The following INPP5A variants were observed in gnomAD, a reference collection of about 807,000 sequenced individuals.
INPP5A encodes the protein inositol polyphosphate-5-phosphatase A.
INPP5A carries 14 observed loss-of-function variants against 65.2 expected under a neutral mutation model. The observed-to-expected ratio is 0.21, with a 90% confidence interval of 0.14 to 0.34. The LOEUF is 0.34. Ranked by LOEUF, INPP5A falls within the 10% of genes least tolerant of loss-of-function variation. INPP5A has a pLI of 1.00. For synonymous variants in INPP5A, 207 were observed against 208.3 expected, an observed-to-expected ratio of 0.99 and a Z score of 0.05; for missense variants, 431 against 545.6, an observed-to-expected ratio of 0.79 and a Z score of 2.09.
rs2071036851 is a variant in INPP5A, at chr10:132,550,553, G to A, written c.75+12382G>A. 6.6e-6 allele frequency among the ~76,000 whole-genome samples: 1 copy of A among 152,230 alleles called. No homozygotes were observed. Among genetic ancestry groups the A allele is most frequent in the Non-Finnish European group, 1.5e-5 (1 of 68,036 alleles). On this transcript the variant is annotated intron_variant, in intron 1 of 15. Coordinates refer to ENST00000368594, the MANE Select transcript of INPP5A (RefSeq NM_005539.5). The surrounding 1 kb of genome is among the most constrained non-coding windows in gnomAD (Gnocchi z 4.2). ...TGAACCGGCAGCTGTGTCCCTTGACGTGCTGAGAGGGCCTGGCTGTGAGCC... is the reference window on the plus strand; with the variant it reads ...TGAACCGGCAGCTGTGTCCCTTGACATGCTGAGAGGGCCTGGCTGTGAGCC...
intron 4 of INPP5A, among the ~76,000 whole-genome samples, chr10:132,687,691 T>G (rs1196050658): frequency 6.6e-6 from 1 of 152,176 alleles, no homozygotes; most frequent in East Asian, 1.9e-4. Context: ...ACCCTGCAGC[T>G]TTGGGTTCTC....
chr10:132,706,195 G>A lies in INPP5A; in HGVS notation c.475-2118G>A, dbSNP rs904382438. Among the ~76,000 whole-genome samples, 2 of 152,228 alleles carry A rather than the reference G, an allele frequency of 1.3e-5. No individual in the cohort carries two copies. Among genetic ancestry groups the A allele is most frequent in the Non-Finnish European group, 2.9e-5 (2 of 68,030 alleles). On this transcript the variant is annotated intron_variant, in intron 6 of 15. Transcript: ENST00000368594. The surrounding 1 kb of genome is among the most constrained non-coding windows in gnomAD (Gnocchi z 4.7). Reference sequence around the variant, plus strand: ...AGTTCATCTAAACATAGTCAAGACGGACAAAGATTTGTGTTTGTTTGGTTG... The same window carrying A: ...AGTTCATCTAAACATAGTCAAGACGAACAAAGATTTGTGTTTGTTTGGTTG...
intron 4 of INPP5A, among the ~76,000 whole-genome samples, chr10:132,666,406 T>C (rs924354940): frequency 5.9e-5 from 9 of 152,056 alleles, no homozygotes; most frequent in Non-Finnish European, 1.2e-4. Flanking sequence ...AAGCATGCAG[T>C]GAAGAGACAC....
chr10:132,607,289 G>T (rs933982917), intron 1 of INPP5A, among the ~76,000 whole-genome samples: 2 of 152,238 alleles, frequency 1.3e-5, no homozygotes, highest in Non-Finnish European at 2.9e-5. Context: ...CTCTGGCGGG[G>T]CTGGAGTTTC....
chr10:132,674,566 G>A lies in INPP5A; in HGVS notation c.307-15826G>A, dbSNP rs1007252942. On this transcript the variant is annotated intron_variant, in intron 4 of 15. Transcript: ENST00000368594. The surrounding 1 kb of genome is among the most constrained non-coding windows in gnomAD (Gnocchi z 4.4). Reference sequence around the variant, plus strand: ...GTGCAGGCTGGGGGAGAGAAGGGAGGGTGGCGGGAGTGGAGACCATGGGCA... The same window carrying A: ...GTGCAGGCTGGGGGAGAGAAGGGAGAGTGGCGGGAGTGGAGACCATGGGCA... 6.6e-6 allele frequency among the ~76,000 whole-genome samples: 1 copy of A among 152,178 alleles called. No individual in the cohort carries two copies. Among genetic ancestry groups the A allele is most frequent in the Admixed American group, 6.5e-5 (1 of 15,282 alleles).
At chr10:132,733,719 G>A (rs994698921) in intron 9 of INPP5A, among the ~76,000 whole-genome samples, 7 of 152,192 alleles carry the variant, frequency 4.6e-5, no homozygotes, top group South Asian at 4.1e-4. Flanking sequence ...CGCTGATGCC[G>A]GCCTCCCTCT....
chr10:132,590,728 C>T (rs909726369), intron 1 of INPP5A, among the ~76,000 whole-genome samples: 14 of 152,182 alleles, frequency 9.2e-5, no homozygotes, highest in African/African-American at 2.9e-4. Context: ...CTTTGGAGGT[C>T]GTGAGTGTTT....
Position 132,782,680 on chromosome 10 carries a change from A to G in INPP5A, c.*651A>G, listed in dbSNP as rs1187667007. ...ACTTATGCTAAATATACTTTCCAGT[A>G]TGAACGCACAGGAGAGTCCCATCAG... is the stretch of plus-strand genomic sequence containing the variant. On this transcript the variant is annotated 3_prime_UTR_variant, in exon 16 of 16. Coordinates refer to ENST00000368594, the MANE Select transcript of INPP5A (RefSeq NM_005539.5). This position sits in a 1 kb window ranked among gnomAD's most constrained non-coding sequence, Gnocchi z 4.4. The G allele has an allele frequency of 6.6e-6, 1 of 152,292 alleles. No individual in the cohort carries two copies. Among genetic ancestry groups the G allele is most frequent in the Non-Finnish European group, 1.5e-5 (1 of 68,018 alleles). The allele number at this position is 152,292 out of a possible 1,614,324, so 9.4% of individuals were successfully genotyped here. A position where few individuals can be genotyped will look rare whatever the true frequency, so the allele number is the denominator to read the frequency against.
At chr10:132,691,878 GTGTGGTCGCGGGAGACA>G (rs1845272060) in intron 5 of INPP5A, among the ~76,000 whole-genome samples, 7 of 150,484 alleles carry the variant, frequency 4.7e-5, no homozygotes, top group Non-Finnish European at 1.0e-4. Flanking sequence ...CGCGGGAGAC[GTGTGGTCGCGGGAGACA>G]TGCGGTCGCG....
At chr10:132,752,939 G>A (rs1846522828) in intron 11 of INPP5A, among the ~76,000 whole-genome samples, 2 of 152,146 alleles carry the variant, frequency 1.3e-5, no homozygotes, top group East Asian at 1.9e-4. Flanking sequence ...TTGAAGCCAC[G>A]TGAGGCACCC....
At chr10:132,660,371 C>T (rs975256332) in intron 4 of INPP5A, among the ~76,000 whole-genome samples, 1 of 152,154 alleles carries the variant, frequency 6.6e-6, no homozygotes, top group Non-Finnish European at 1.5e-5. Context: ...CTGAAGTGGA[C>T]AGGAGCTACT....
At chr10:132,720,677 G>A (rs1296252803) in intron 8 of INPP5A, among the ~76,000 whole-genome samples, 1 of 148,548 alleles carries the variant, frequency 6.7e-6, no homozygotes, top group Admixed American at 6.7e-5. Context: ...TGTGGTACCT[G>A]GGTTCTTTCT....
chr10:132,761,024 T>G (rs1432066678), intron 11 of INPP5A, among the ~76,000 whole-genome samples: 2 of 152,228 alleles, frequency 1.3e-5, no homozygotes, highest in African/African-American at 4.8e-5. Flanking sequence ...AAATACACAC[T>G]TGGCAAAAGC....
chr10:132,649,980 G>A (rs57791476), intron 3 of INPP5A, among the ~76,000 whole-genome samples: 3,898 of 152,286 alleles, frequency 0.026, 73 homozygotes, highest in South Asian at 0.041. Context: ...GAGCAGATGG[G>A]GACAGAACTA....
intron 9 of INPP5A, among the ~76,000 whole-genome samples, chr10:132,739,619 C>T (rs1218680149): frequency 1.3e-5 from 2 of 152,246 alleles, no homozygotes; most frequent in Non-Finnish European, 2.9e-5. Flanking sequence ...CGCTCTCTGG[C>T]CTTTGCTGCC....
chr10:132,709,953 C>T (rs1845605946), intron 7 of INPP5A, among the ~76,000 whole-genome samples: 1 of 152,248 alleles, frequency 6.6e-6, no homozygotes, highest in Admixed American at 6.5e-5. Flanking sequence ...GTGCCCCCAA[C>T]CCTGCCTTAC....
chr10:132,638,820 G>C (rs1158995139), intron 2 of INPP5A, among the ~76,000 whole-genome samples: 2 of 152,046 alleles, frequency 1.3e-5, no homozygotes, highest in African/African-American at 4.8e-5. Flanking sequence ...CACCCGCCTC[G>C]GCCTCCCAAA....
chr10:132,678,179 C>T lies in INPP5A; in HGVS notation c.307-12213C>T, dbSNP rs530627375. Among the ~76,000 whole-genome samples, 14 of 152,250 alleles carry T rather than the reference C, an allele frequency of 9.2e-5. No individual in the cohort carries two copies. The highest frequency in any genetic ancestry group is 7.8e-4 in the East Asian group (4 of 5,160). On this transcript the variant is annotated intron_variant, in intron 4 of 15. Coordinates refer to ENST00000368594, the MANE Select transcript of INPP5A (RefSeq NM_005539.5). This position sits in a 1 kb window ranked among gnomAD's most constrained non-coding sequence, Gnocchi z 4.1. The stretch of plus-strand genomic sequence containing the variant: ...GGTGGTCACGGAGCTCCTCTGAGAG[C>T]GGACGGTCACAGCCCCCCGTATGCT...
chr10:132,673,978 C>T (rs2072929492), intron 4 of INPP5A, among the ~76,000 whole-genome samples: 2 of 152,216 alleles, frequency 1.3e-5, no homozygotes, highest in African/African-American at 4.8e-5. Context: ...CATGGGTACC[C>T]TCCATTCCTG....
Sources: allele counts gnomAD v4.1 joint callset (sites outside exome capture counted in the v4.1 genomes callset), GRCh38; gene constraint gnomAD v4.1.1; non-coding constraint Gnocchi (gnomAD v3.1); transcripts MANE v1.5; gene names NCBI Gene and HGNC (gene_info 2026-07-23, HGNC 2026-07-21).